Variants in NLRP2 observed in about 807,000 individuals in gnomAD.
The protein encoded by NLRP2 is NACHT, LRR and PYD domains-containing protein 2.
A neutral mutation model predicts 97.2 loss-of-function variants in NLRP2; 107 were observed. That is an observed-to-expected ratio of 1.10 (90% CI 0.94 to 1.29). The LOEUF is 1.29. Ranked by LOEUF, NLRP2 falls within the 50% of genes most tolerant of loss-of-function variation. The pLI is 0.00. For synonymous variants in NLRP2, 663 were observed against 551.5 expected, an observed-to-expected ratio of 1.20 and a Z score of -2.83; for missense variants, 1,495 against 1,330.3, an observed-to-expected ratio of 1.12 and a Z score of -1.93.
At position 54,982,453 on chromosome 19, in the gene NLRP2, G is replaced by A. The variant is rs201496089; in HGVS notation, c.755G>A (p.Arg252His). The A allele has an allele frequency of 3.2e-5, 51 of 1,614,162 alleles. No homozygotes were observed. In the African/African-American group the frequency reaches 3.2e-4, roughly 10 times the overall value. Residue 252 changes from arginine (R) to histidine (H), a missense_variant, in exon 6 of 13, where the codon CGC becomes CAC. Transcript: ENST00000448584. ...TACCTCAGCTGCAGGGAGCTCAGCCGCCTGGGCCCGTGCAGTTTTGCAGAG... is the reference window on the plus strand; with the variant it reads ...TACCTCAGCTGCAGGGAGCTCAGCCACCTGGGCCCGTGCAGTTTTGCAGAG... ...AFYLSCRELS[R>H]LGPCSFAELV...
rs201883695 is a variant in NLRP2 at position 54,983,063 on chromosome 19, G to A, written c.1365G>A (p.Ala455=). Residue 455 remains alanine (A), a synonymous_variant, in exon 6 of 13, where the codon GCG becomes GCA. Transcript: ENST00000448584. ...TGCGGACGCTGAGCCTCCTGGCCGC[G>A]CAGGGCCTGTGGGCGCAGACGTCCG... is the stretch of plus-strand genomic sequence containing the variant. ...GALRTLSLLA[A]QGLWAQTSVL... 25 of 1,612,118 alleles carry A rather than the reference G, an allele frequency of 1.6e-5. No homozygotes were observed. Among genetic ancestry groups the A allele is most frequent in the Middle Eastern group, 1.8e-4 (1 of 5,712 alleles).
Position 54,967,517 on chromosome 19 carries a change from TG to T in NLRP2, c.-18+1054del, listed in dbSNP as rs1445136438. Reference sequence around the variant, plus strand: ...TAAAATAAAATTCAGTGGTTCTGACTGGGGAAAGAGTAGCAGATGCTTAGAT... The same window carrying T: ...TAAAATAAAATTCAGTGGTTCTGACTGGGAAAGAGTAGCAGATGCTTAGAT... On this transcript the variant is annotated intron_variant, in intron 1 of 12. Coordinates refer to ENST00000448584, the MANE Select transcript of NLRP2 (RefSeq NM_017852.5). Among the ~76,000 whole-genome samples the T allele has an allele frequency of 3.9e-5, 6 of 152,026 alleles. No homozygotes were observed. In the Admixed American group the frequency reaches 3.9e-4, roughly 10 times the overall value.
chr19:54,996,788 A>C (rs2072851151), intron 11 of NLRP2, among the ~76,000 whole-genome samples: 3 of 146,226 alleles, frequency 2.1e-5, no homozygotes, highest in Non-Finnish European at 4.5e-5. Flanking sequence ...CGGTCTCTTC[A>C]CCCCCTCACC....
At chr19:54,997,622 T>C in intron 12 of NLRP2, 135 bp downstream of exon 12, 1 of 930,942 alleles carries the variant, frequency 1.1e-6, no homozygotes, top group Non-Finnish European at 1.7e-6. Flanking sequence ...CCAGCCAATT[T>C]CTGTATTTCA....
At chr19:54,986,046 GA>G in intron 7 of NLRP2, 104 bp from the exon 8 acceptor site, 1 of 810,582 alleles carries the variant, frequency 1.2e-6, no homozygotes, top group Non-Finnish European at 2.1e-6. Context: ...TTTAAACATG[GA>G]AAAAATAGTT....
At chr19:54,973,673 C>A in intron 2 of NLRP2, 1 of 374,912 alleles carries the variant, frequency 2.7e-6, no homozygotes, top group Non-Finnish European at 5.2e-6. Context: ...CATGCCCGGC[C>A]AAGGGTTTTT....
At chr19:54,989,448 G>C (rs993532052) in intron 8 of NLRP2, 2 of 166,110 alleles carry the variant, frequency 1.2e-5, no homozygotes, top group Non-Finnish European at 2.6e-5. Flanking sequence ...CTCCAGCCAG[G>C]GCGACAGAGC....
chr19:54,989,205 C>T (rs2072297698), intron 8 of NLRP2, among the ~76,000 whole-genome samples: 2 of 152,080 alleles, frequency 1.3e-5, no homozygotes, highest in South Asian at 4.2e-4. Context: ...ATCTGCCCAC[C>T]TCGGCCTCCC....
chr19:55,000,611 T>C lies in NLRP2; in HGVS notation c.3051-149T>C, dbSNP rs2073134009. 6.9e-5 allele frequency: 42 copies of C among 607,850 alleles called. 2 individuals are homozygous for C. The South Asian group carries it at 7.8e-4, about 11-fold the overall frequency. 37.7% of individuals were successfully genotyped at this position (607,850 alleles called of 1,614,324 possible). A position where few individuals can be genotyped will look rare whatever the true frequency, so the allele number is the denominator to read the frequency against. Reference sequence around the variant, plus strand: ...GTCTTTTAAAAAAAAAAAAAAAAAATCAATGTGGAACACTCCTTTGCCACC... The same window carrying C: ...GTCTTTTAAAAAAAAAAAAAAAAAACCAATGTGGAACACTCCTTTGCCACC... On this transcript the variant is annotated intron_variant, in intron 12 of 12. Transcript: ENST00000448584.
chr19:54,968,804 C>T (rs2070653232), intron 1 of NLRP2, among the ~76,000 whole-genome samples: 3 of 150,968 alleles, frequency 2.0e-5, no homozygotes, highest in South Asian at 4.2e-4. Flanking sequence ...CAGGTTCAAG[C>T]GATTCTCCTG....
intron 6 of NLRP2, among the ~76,000 whole-genome samples, chr19:54,984,663 A>T (rs916265896): frequency 6.6e-6 from 1 of 150,942 alleles, no homozygotes; most frequent in Non-Finnish European, 1.5e-5. Context: ...TTGTACTTTT[A>T]GTAGAGACGG....
intron 8 of NLRP2, among the ~76,000 whole-genome samples, chr19:54,987,332 C>T (rs556663708): frequency 1.3e-5 from 2 of 152,268 alleles, no homozygotes; most frequent in African/African-American, 2.4e-5. Context: ...TTCTGTTAGT[C>T]CTCTGGTTTG....
intron 6 of NLRP2, among the ~76,000 whole-genome samples, chr19:54,984,500 T>TTTTTTTTA (rs764786892): frequency 7.5e-6 from 1 of 132,852 alleles, no homozygotes; most frequent in South Asian, 2.3e-4. Context: ...TTTTTTTTTT[T>TTTTTTTTA]GAGACGGAGT....
chr19:54,982,091 T>C (rs1476053631), intron 5 of NLRP2, 71 bp from the exon 6 acceptor site: 1 of 1,592,992 alleles, frequency 6.3e-7, no homozygotes, highest in Non-Finnish European at 8.6e-7. Context: ...ACAAGGCATT[T>C]TGTTATTTTG....
At chr19:54,972,180 A>C (rs1286532651) in intron 2 of NLRP2, among the ~76,000 whole-genome samples, 2 of 149,404 alleles carry the variant, frequency 1.3e-5, no homozygotes, top group Non-Finnish European at 3.0e-5. Flanking sequence ...TCTACCCCAT[A>C]ACTTTTTTTT....
Position 54,983,525 on chromosome 19 carries a change from G to C in NLRP2, c.1827G>C (p.Leu609=). ...VTDLQELLGC[L]YESQEEELVK... is the part of the protein sequence containing the mutation. ...ACCTGCAGGAGCTCCTCGGCTGTCT[G>C]TACGAGTCTCAGGAGGAGGAGCTGG... The change falls in exon 6 of 13, where the codon CTG becomes CTC. Residue 609 remains leucine, a synonymous_variant. Transcript: ENST00000448584. The C allele has an allele frequency of 6.2e-7, 1 of 1,614,212 alleles. No individual in the cohort carries two copies. The highest frequency in any genetic ancestry group is 1.1e-5 in the South Asian group (1 of 91,080).
chr19:54,986,111 G>A (rs1267939863), intron 7 of NLRP2, 40 bp from the exon 8 acceptor site: 5 of 1,389,392 alleles, frequency 3.6e-6, no homozygotes, highest in South Asian at 1.2e-5. Context: ...CGATACAGGT[G>A]TACACACTAA....
At chr19:54,995,276 C>T (rs1003247353) in intron 11 of NLRP2, among the ~76,000 whole-genome samples, 5 of 148,718 alleles carry the variant, frequency 3.4e-5, no homozygotes, top group African/African-American at 1.2e-4. Flanking sequence ...CTGCAACCTC[C>T]ACCTCCTGGG....
At chr19:54,999,042 A>ACCCCCCCCAACCTCCCTCCCGGACG (rs1337867779) in intron 12 of NLRP2, among the ~76,000 whole-genome samples, 1 of 136,100 alleles carries the variant, frequency 7.3e-6, no homozygotes, top group African/African-American at 2.7e-5. Flanking sequence ...CCTCCCGGAC[A>ACCCCCCCCAACCTCCCTCCCGGACG]GGGCGGCTGG....
Sources: gnomAD v4.1 joint callset for allele counts (sites outside exome capture counted in the v4.1 genomes callset) on GRCh38, gnomAD v4.1.1 for gene constraint, MANE v1.5 for transcripts, NCBI Gene and HGNC (gene_info 2026-07-23, HGNC 2026-07-21) for gene names.